The following CCDC146 variants were observed in gnomAD, a reference collection of about 807,000 sequenced individuals.
CCDC146 encodes coiled-coil domain containing 146.
A neutral mutation model predicts 119.3 loss-of-function variants in CCDC146; 92 were observed. The ratio of observed to expected loss-of-function variants is 0.77; its 90% CI spans 0.65 to 0.92. CCDC146 has a LOEUF of 0.92. CCDC146 is among the 40% of genes least tolerant of loss of function. CCDC146 has a pLI of 0.00. For missense variants in CCDC146, 1,000 were observed against 1,103.0 expected (o/e 0.91, Z 1.32); for synonymous variants, 372 against 371.8 (o/e 1.00, Z -0.01).
At chr7:77,265,010 T>TA (rs976790445) in intron 9 of CCDC146, among the ~76,000 whole-genome samples, 10 of 152,228 alleles carry the variant, frequency 6.6e-5, no homozygotes, top group Admixed American at 4.6e-4. Context: ...TTGCAACTCT[T>TA]ATGCCCTCAA....
intron 2 of CCDC146, chr7:77,193,456 T>A (rs1791807991): frequency 6.6e-6 from 1 of 152,176 alleles, no homozygotes; most frequent in Non-Finnish European, 1.5e-5. Flanking sequence ...TAAAAAGACA[T>A]GAAACATAAA....
intron 5 of CCDC146, 141 bp downstream of exon 5, chr7:77,254,704 A>T (rs1793144574): frequency 4.1e-6 from 2 of 492,052 alleles, no homozygotes; most frequent in Admixed American, 3.9e-5. Flanking sequence ...GATGCTGAAA[A>T]GACTAGCTAC....
intron 10 of CCDC146, 82 bp downstream of exon 10, chr7:77,273,871 T>C (rs1793574909): frequency 1.2e-6 from 1 of 818,206 alleles, no homozygotes; most frequent in Non-Finnish European, 2.0e-6. Context: ...CACAAAACCT[T>C]ATCAATAAGA....
rs538097429 is a variant in CCDC146 at position 77,239,003 on chromosome 7, T to C, written c.239+1974T>C. 7.1e-5 allele frequency among the ~76,000 whole-genome samples: 10 copies of C among 141,624 alleles called. No homozygotes were observed. In the South Asian group the frequency reaches 2.1e-3, roughly 30 times the overall value. 92.9% of individuals were successfully genotyped at this position (141,624 alleles called of 152,430 possible). A position where few individuals can be genotyped will look rare whatever the true frequency, so the allele number is the denominator to read the frequency against. On this transcript the variant is annotated intron_variant, in intron 3 of 18. Coordinates refer to ENST00000285871, the MANE Select transcript of CCDC146 (RefSeq NM_020879.3). Reference sequence around the variant, plus strand: ...CCTGATGGGTGGGAAAAACATGAAGTAGACTCTTCATTCGTGCTGCTAGGA... The same window carrying C: ...CCTGATGGGTGGGAAAAACATGAAGCAGACTCTTCATTCGTGCTGCTAGGA...
intron 1 of CCDC146, among the ~76,000 whole-genome samples, chr7:77,159,992 G>A (rs1584032515): frequency 6.6e-6 from 1 of 152,208 alleles, no homozygotes; most frequent in Non-Finnish European, 1.5e-5. Context: ...CATATGGCTA[G>A]CCAGTTTTCA....
chr7:77,131,696 C>T (rs932876982), intron 1 of CCDC146, among the ~76,000 whole-genome samples: 2 of 152,338 alleles, frequency 1.3e-5, no homozygotes, highest in Non-Finnish European at 2.9e-5. Context: ...TAAGCCTGGG[C>T]AACAGAGTGA....
chr7:77,273,398 G>A (rs1793562656), intron 9 of CCDC146, among the ~76,000 whole-genome samples: 1 of 152,162 alleles, frequency 6.6e-6, no homozygotes, highest in South Asian at 2.1e-4. Context: ...ATTTGCCATG[G>A]CTTATAAAGA....
chr7:77,235,774 A>G (rs1229234748), intron 2 of CCDC146, among the ~76,000 whole-genome samples: 3 of 152,186 alleles, frequency 2.0e-5, no homozygotes, highest in East Asian at 3.8e-4. Flanking sequence ...GATGAATTCA[A>G]TAAGCACTTT....
At chr7:77,242,421 A>G (rs1792867380) in intron 4 of CCDC146, 1 of 981,966 alleles carries the variant, frequency 1.0e-6, no homozygotes, top group South Asian at 4.7e-5. Flanking sequence ...CTCAGGATCA[A>G]GGAGAAAAGG....
At chr7:77,176,291 A>G (rs1056024908) in intron 2 of CCDC146, among the ~76,000 whole-genome samples, 2 of 151,146 alleles carry the variant, frequency 1.3e-5, no homozygotes, top group Admixed American at 6.6e-5. Flanking sequence ...CACCAGTTAG[A>G]ATGCCATTTC....
chr7:77,161,319 T>C (rs1463901412), intron 1 of CCDC146, among the ~76,000 whole-genome samples: 4 of 152,068 alleles, frequency 2.6e-5, no homozygotes, highest in South Asian at 2.1e-4. Context: ...ATCATGCTGC[T>C]ATAAAGACAC....
At chr7:77,125,857 T>G (rs994665003) in intron 1 of CCDC146, among the ~76,000 whole-genome samples, 1 of 152,132 alleles carries the variant, frequency 6.6e-6, no homozygotes, top group African/African-American at 2.4e-5. Flanking sequence ...ACTATCAACA[T>G]TGAGAAGTAT....
At chr7:77,210,550 G>A (rs944475674) in intron 2 of CCDC146, among the ~76,000 whole-genome samples, 1 of 152,118 alleles carries the variant, frequency 6.6e-6, no homozygotes, top group Non-Finnish European at 1.5e-5. Flanking sequence ...CCTCCAAACT[G>A]TTCCAACCTC....
At chr7:77,274,917 T>C (rs62475050) in intron 11 of CCDC146, among the ~76,000 whole-genome samples, 1 of 152,132 alleles carries the variant, frequency 6.6e-6, no homozygotes, top group African/African-American at 2.4e-5. Flanking sequence ...TTAGGAGATA[T>C]ACCTAATGTA....
At chr7:77,143,433 T>G (rs966136194) in intron 1 of CCDC146, among the ~76,000 whole-genome samples, 1 of 151,878 alleles carries the variant, frequency 6.6e-6, no homozygotes, top group Non-Finnish European at 1.5e-5. Context: ...AGATCCCATT[T>G]ATCAATTTTG....
chr7:77,178,872 T>A (rs1005115535), intron 2 of CCDC146, among the ~76,000 whole-genome samples: 93 of 152,320 alleles, frequency 6.1e-4, no homozygotes, highest in African/African-American at 1.9e-3. Flanking sequence ...CAATCACTAT[T>A]TTAATACATT....
At chr7:77,276,858 G>C (rs1455731444) in intron 11 of CCDC146, among the ~76,000 whole-genome samples, 1 of 152,168 alleles carries the variant, frequency 6.6e-6, no homozygotes, top group Non-Finnish European at 1.5e-5. Context: ...ATCACCTGAG[G>C]TCAGGAGTTC....
chr7:77,251,955 G>A (rs926884693), intron 4 of CCDC146, among the ~76,000 whole-genome samples: 5 of 152,116 alleles, frequency 3.3e-5, no homozygotes, highest in African/African-American at 1.2e-4. Flanking sequence ...TCAAAACGAG[G>A]CTGGCTAACA....
intron 4 of CCDC146, among the ~76,000 whole-genome samples, chr7:77,243,393 A>G (rs563803810): frequency 6.6e-6 from 1 of 152,220 alleles, no homozygotes; most frequent in Non-Finnish European, 1.5e-5. Flanking sequence ...GCTTGAGAAG[A>G]TTCCCTTGCA....
Sources: allele counts gnomAD v4.1 joint callset (sites outside exome capture counted in the v4.1 genomes callset), GRCh38; gene constraint gnomAD v4.1.1; transcripts MANE v1.5; gene names NCBI Gene and HGNC (gene_info 2026-07-23, HGNC 2026-07-21).